HMGCLL1: variants seen among roughly 807,000 people sequenced by gnomAD.
HMGCLL1 encodes 3-hydroxymethyl-3-methylglutaryl-CoA lyase, cytoplasmic.
A neutral mutation model predicts 39.1 loss-of-function variants in HMGCLL1; 36 were observed. The ratio of observed to expected loss-of-function variants is 0.92; its 90% CI spans 0.71 to 1.22. HMGCLL1 has a LOEUF of 1.22. HMGCLL1 is among the 50% of genes most tolerant of loss of function. The pLI is 0.00. For synonymous variants in HMGCLL1, 149 were observed against 144.0 expected (o/e 1.03, Z -0.25); for missense variants, 451 against 416.5 (o/e 1.08, Z -0.72).
In HMGCLL1 at chr6:55,543,451, TG is replaced by T. The variant is rs1561951462; in HGVS notation, c.109-1312del. Among the ~76,000 whole-genome samples the T allele has an allele frequency of 1.4e-3, 19 of 13,766 alleles. No individual in the cohort carries two copies. In the South Asian group the frequency reaches 0.025, roughly 18 times the overall value. The allele number at this position is 13,766 out of a possible 152,430, so 9.0% of individuals were successfully genotyped here. A position where few individuals can be genotyped will look rare whatever the true frequency, so the allele number is the denominator to read the frequency against. On this transcript the variant is annotated intron_variant, in intron 1 of 8. Coordinates refer to ENST00000274901, the MANE Select transcript of HMGCLL1 (RefSeq NM_001042406.2). ...TATCATATATCATATATGATATATA[TG>T]ATATATATCATATATATCATATATA...
the HMGCLL1 span, among the ~76,000 whole-genome samples, chr6:55,646,114 A>G: frequency 6.6e-6 from 1 of 151,724 alleles, no homozygotes; most frequent in Non-Finnish European, 1.5e-5. Flanking sequence ...TTTATGGTTA[A>G]ATCTTGGTAG....
At chr6:55,610,129 C>G in the HMGCLL1 span, among the ~76,000 whole-genome samples, 2 of 152,046 alleles carry the variant, frequency 1.3e-5, no homozygotes, top group African/African-American at 4.8e-5. Context: ...CTCTTGTCCT[C>G]CAAATGATCG....
the HMGCLL1 span, among the ~76,000 whole-genome samples, chr6:55,630,130 G>A: frequency 1.3e-5 from 2 of 152,166 alleles, no homozygotes; most frequent in Admixed American, 6.6e-5. Flanking sequence ...GCCTGTGAAA[G>A]CATCTAGAAG....
chr6:55,553,182 C>CACAT (rs796485077), intron 1 of HMGCLL1, among the ~76,000 whole-genome samples: 4 of 12,578 alleles, frequency 3.2e-4, no homozygotes, highest in Admixed American at 1.3e-3. Context: ...TATACATACA[C>CACAT]ACACACACAC....
the HMGCLL1 span, among the ~76,000 whole-genome samples, chr6:55,661,038 C>G: frequency 6.6e-6 from 1 of 151,986 alleles, no homozygotes; most frequent in African/African-American, 2.4e-5. Flanking sequence ...CTGTTTATAT[C>G]TTTTGCCCAC....
chr6:55,623,953 T>C, the HMGCLL1 span, among the ~76,000 whole-genome samples: 1 of 151,986 alleles, frequency 6.6e-6, no homozygotes, highest in African/African-American at 2.4e-5. Flanking sequence ...GCTAAAACTT[T>C]ATTAATTACC....
the HMGCLL1 span, among the ~76,000 whole-genome samples, chr6:55,624,922 A>G: frequency 6.6e-6 from 1 of 152,058 alleles, no homozygotes; most frequent in Admixed American, 6.6e-5. Flanking sequence ...AAGGCTGCCA[A>G]TTTTTAATGT....
the HMGCLL1 span, among the ~76,000 whole-genome samples, chr6:55,590,011 C>T: frequency 7.8e-6 from 1 of 127,614 alleles, no homozygotes; most frequent in African/African-American, 2.5e-5. Flanking sequence ...CCATCCCCAT[C>T]AAGCTACCAA....
the HMGCLL1 span, among the ~76,000 whole-genome samples, chr6:55,647,305 T>C: frequency 1.3e-5 from 2 of 152,014 alleles, no homozygotes; most frequent in South Asian, 4.1e-4. Flanking sequence ...GTGAAGTGTG[T>C]TTCTTGTAGG....
intron 6 of HMGCLL1, among the ~76,000 whole-genome samples, chr6:55,496,559 A>G (rs1766588668): frequency 6.6e-6 from 1 of 152,296 alleles, no homozygotes; most frequent in African/African-American, 2.4e-5. Context: ...TCTTTCCAGT[A>G]AATTGCATAT....
the HMGCLL1 span, among the ~76,000 whole-genome samples, chr6:55,613,124 A>T: frequency 6.6e-6 from 1 of 152,188 alleles, no homozygotes; most frequent in East Asian, 1.9e-4. Flanking sequence ...TCCATCAAAA[A>T]GTGGGCAAAG....
intron 7 of HMGCLL1, among the ~76,000 whole-genome samples, chr6:55,493,079 A>T (rs185736784): frequency 1.2e-3 from 183 of 150,172 alleles, no homozygotes; most frequent in African/African-American, 4.2e-3. Context: ...AATACATTAC[A>T]ATATATGTAT....
intron 1 of HMGCLL1, among the ~76,000 whole-genome samples, chr6:55,563,616 A>C (rs1771070675): frequency 6.6e-6 from 1 of 152,108 alleles, no homozygotes; most frequent in African/African-American, 2.4e-5. Flanking sequence ...TTAATAGTAA[A>C]TGTTTCCAAG....
At chr6:55,628,175 C>CTA in the HMGCLL1 span, among the ~76,000 whole-genome samples, 14 of 65,830 alleles carry the variant, frequency 2.1e-4, no homozygotes, top group Non-Finnish European at 3.1e-4. Flanking sequence ...AGTATATATA[C>CTA]TATATATATA....
At chr6:55,593,046 G>T in the HMGCLL1 span, among the ~76,000 whole-genome samples, 1 of 151,988 alleles carries the variant, frequency 6.6e-6, no homozygotes, top group Non-Finnish European at 1.5e-5. Flanking sequence ...CCTTGGAAAG[G>T]AGACTTCCTA....
the HMGCLL1 span, among the ~76,000 whole-genome samples, chr6:55,639,990 A>G: frequency 6.6e-6 from 1 of 152,162 alleles, no homozygotes; most frequent in Non-Finnish European, 1.5e-5. Flanking sequence ...AGGCAGGAGA[A>G]TAGCTTGAAC....
rs1252034759 is a variant in HMGCLL1, at chr6:55,465,400, GATA to G, written c.796-25844_796-25842del. 5.9e-5 allele frequency among the ~76,000 whole-genome samples: 9 copies of G among 152,098 alleles called. 1 individual carries two copies. The highest frequency in any genetic ancestry group is 5.8e-4 in the East Asian group (3 of 5,166). On this transcript the variant is annotated intron_variant, in intron 7 of 8. Transcript: ENST00000274901. The stretch of plus-strand genomic sequence containing the variant: ...AAAATCAAAGAGAATACATATTATA[GATA>G]ATAAGTCATTTGCAGATATAGATAA...
chr6:55,623,424 A>G, the HMGCLL1 span, among the ~76,000 whole-genome samples: 3 of 151,980 alleles, frequency 2.0e-5, no homozygotes, highest in South Asian at 2.1e-4. Context: ...GCTGTATCCA[A>G]TAGATTTTCG....
chr6:55,606,789 G>A, the HMGCLL1 span, among the ~76,000 whole-genome samples: 1 of 152,040 alleles, frequency 6.6e-6, no homozygotes, highest in Non-Finnish European at 1.5e-5. Flanking sequence ...AAAGGATTTT[G>A]GGTGAGGCGA....
Sources: gnomAD v4.1 joint callset for allele counts (sites outside exome capture counted in the v4.1 genomes callset) on GRCh38, gnomAD v4.1.1 for gene constraint, MANE v1.5 for transcripts, NCBI Gene and HGNC (gene_info 2026-07-23, HGNC 2026-07-21) for gene names.